LIPC: variants seen among roughly 807,000 people sequenced by gnomAD.
LIPC encodes the protein lipase C, hepatic type.
A neutral mutation model predicts 50.7 loss-of-function variants in LIPC; 44 were observed. That is an observed-to-expected ratio of 0.87 (90% CI 0.68 to 1.11). LIPC has a LOEUF of 1.11. Ranked by LOEUF, LIPC falls within the 50% of genes most tolerant of loss-of-function variation. LIPC has a pLI of 0.00. For synonymous variants in LIPC, 271 were observed against 256.4 expected (o/e 1.06, Z -0.54); for missense variants, 697 against 648.2 (o/e 1.08, Z -0.82).
intron 1 of LIPC, among the ~76,000 whole-genome samples, chr15:58,441,592 G>T (rs1893511198): frequency 1.3e-5 from 2 of 152,174 alleles, no homozygotes; most frequent in Non-Finnish European, 2.9e-5. Context: ...GTGGTTTACT[G>T]CAGCAAGGGA....
At chr15:58,442,277 G>A (rs1169516780) in intron 1 of LIPC, among the ~76,000 whole-genome samples, 1 of 152,168 alleles carries the variant, frequency 6.6e-6, no homozygotes, top group African/African-American at 2.4e-5. Flanking sequence ...AAAGAGAAAT[G>A]TGGAAGCAAA....
chr15:58,442,566 T>A (rs1245229728), intron 1 of LIPC, among the ~76,000 whole-genome samples: 1 of 152,236 alleles, frequency 6.6e-6, no homozygotes, highest in East Asian at 1.9e-4. Context: ...AACTAAGATG[T>A]ACAGAACAAC....
At chr15:58,510,349 G>T (rs139653128) in intron 1 of LIPC, among the ~76,000 whole-genome samples, 2 of 152,340 alleles carry the variant, frequency 1.3e-5, no homozygotes, top group East Asian at 3.9e-4. Context: ...TTGCCTTTTT[G>T]AGTGGCAGTG....
chr15:58,508,454 G>T (rs1219031118), intron 1 of LIPC, among the ~76,000 whole-genome samples: 1 of 152,168 alleles, frequency 6.6e-6, no homozygotes, highest in African/African-American at 2.4e-5. Flanking sequence ...TACTCGCTGT[G>T]GTCATTTTGG....
intron 8 of LIPC, chr15:58,564,039 CAG>C: frequency 2.4e-6 from 1 of 419,542 alleles, no homozygotes; most frequent in Non-Finnish European, 4.5e-6. Context: ...GGTGAATCAC[CAG>C]GTGATGTCAG....
intron 8 of LIPC, chr15:58,564,044 G>A (rs1894270172): frequency 2.4e-6 from 1 of 416,890 alleles, no homozygotes; most frequent in Non-Finnish European, 4.5e-6. Context: ...ATCACCAGGT[G>A]ATGTCAGTGC....
Position 58,471,134 on chromosome 15 carries a change from CTTTTTTTTT to C in LIPC, c.88+39026_88+39034del, listed in dbSNP as rs34225435. On this transcript the variant is annotated intron_variant, in intron 1 of 8. Coordinates refer to ENST00000299022, the MANE Select transcript of LIPC (RefSeq NM_000236.3). ...AAGTAGGATTTTTTTTTTCTTTTCTCTTTTTTTTTTTTTTTTTTTTGAGATGCGGTCTCA... is the reference window on the plus strand; with the variant it reads ...AAGTAGGATTTTTTTTTTCTTTTCTCTTTTTTTTTTTGAGATGCGGTCTCA... Among the ~76,000 whole-genome samples, 53 of 114,640 alleles carry C rather than the reference CTTTTTTTTT, an allele frequency of 4.6e-4. 1 individual carries two copies. The South Asian group carries it at 0.015, about 33-fold the overall frequency. The allele number at this position is 114,640 out of a possible 152,430, so 75.2% of individuals were successfully genotyped here.
At chr15:58,501,288 T>G (rs1891976003) in intron 1 of LIPC, among the ~76,000 whole-genome samples, 1 of 151,850 alleles carries the variant, frequency 6.6e-6, no homozygotes, top group Admixed American at 6.6e-5. Flanking sequence ...GCTCAGCCTA[T>G]GTATATTCAC....
In LIPC at chr15:58,560,967, A is replaced by T. The variant is rs747519686; in HGVS notation, c.1155A>T (p.Lys385Asn). Residue 385 changes from lysine (K) to asparagine (N), a missense_variant, in exon 7 of 9, where the codon AAA (lysine) becomes AAT (asparagine). Physicochemically the swap from Lys to Asn is moderately conservative, Grantham distance 94. Coordinates refer to ENST00000299022, the MANE Select transcript of LIPC (RefSeq NM_000236.3). ...TCGGAACAAAAGAGAAAATGCAGAAAATTCCCATCACTCTGTGAGTAGGAG... is the reference window on the plus strand; with the variant it reads ...TCGGAACAAAAGAGAAAATGCAGAATATTCCCATCACTCTGTGAGTAGGAG... ...SLLGTKEKMQ[K>N]IPITLGKGIA... 10 of 1,525,112 alleles carry T rather than the reference A, an allele frequency of 6.6e-6. No homozygotes were observed. Among genetic ancestry groups the T allele is most frequent in the Non-Finnish European group, 8.2e-6 (9 of 1,098,898 alleles). The allele number at this position is 1,525,112 out of a possible 1,614,324, so 94.5% of individuals were successfully genotyped here. A position where few individuals can be genotyped will look rare whatever the true frequency, so the allele number is the denominator to read the frequency against.
intron 1 of LIPC, among the ~76,000 whole-genome samples, chr15:58,457,940 T>A (rs138317466): frequency 6.6e-6 from 1 of 152,326 alleles, no homozygotes; most frequent in African/African-American, 2.4e-5. Flanking sequence ...GCCGTGTGGT[T>A]AGTCTTAAAT....
At chr15:58,528,520 T>A (rs898248652) in intron 1 of LIPC, among the ~76,000 whole-genome samples, 13 of 152,158 alleles carry the variant, frequency 8.5e-5, no homozygotes, top group Non-Finnish European at 1.8e-4. Flanking sequence ...GGTGCCTTTT[T>A]TTTTCTTTGA....
chr15:58,496,880 T>A (rs1283739504), intron 1 of LIPC, among the ~76,000 whole-genome samples: 1 of 152,126 alleles, frequency 6.6e-6, no homozygotes, highest in Non-Finnish European at 1.5e-5. Context: ...AGATAGGGTT[T>A]CACTATGTTG....
At chr15:58,439,069 CTGGCAG>C (rs1426946356) in intron 1 of LIPC, among the ~76,000 whole-genome samples, 1 of 152,236 alleles carries the variant, frequency 6.6e-6, no homozygotes, top group Non-Finnish European at 1.5e-5. Context: ...CTCCAGTGGA[CTGGCAG>C]TGGCCCTTAA....
At chr15:58,467,764 G>C (rs16940338) in intron 1 of LIPC, among the ~76,000 whole-genome samples, 24,192 of 152,106 alleles carry the variant, frequency 0.16, 1,932 homozygotes, top group African/African-American at 0.18. Context: ...TCACTGTTGC[G>C]CAGTGGTTTG....
At chr15:58,455,002 G>A (rs1226084130) in intron 1 of LIPC, 1 of 152,176 alleles carries the variant, frequency 6.6e-6, no homozygotes, top group Non-Finnish European at 1.5e-5. Flanking sequence ...CTGTCTGTAA[G>A]GTTATTTCCG....
intron 1 of LIPC, among the ~76,000 whole-genome samples, chr15:58,464,728 T>C: frequency 6.6e-6 from 1 of 152,206 alleles, no homozygotes; most frequent in East Asian, 1.9e-4. Context: ...ATCCCAGCAC[T>C]TTGGGAAGCC....
intron 6 of LIPC, among the ~76,000 whole-genome samples, chr15:58,557,318 T>G (rs1893985491): frequency 6.7e-6 from 1 of 149,464 alleles, no homozygotes; most frequent in African/African-American, 2.5e-5. Flanking sequence ...GCAAAGCACT[T>G]GGCAAAAACC....
intron 1 of LIPC, among the ~76,000 whole-genome samples, chr15:58,457,485 T>C (rs1894174651): frequency 6.6e-6 from 1 of 152,248 alleles, no homozygotes; most frequent in African/African-American, 2.4e-5. Context: ...CCGTTTACGA[T>C]ATGCCACTTG....
At chr15:58,433,559 A>G (rs558105685) in intron 1 of LIPC, among the ~76,000 whole-genome samples, 1 of 152,332 alleles carries the variant, frequency 6.6e-6, no homozygotes, top group East Asian at 1.9e-4. Context: ...TCACTGCTGT[A>G]GCATTCCACT....
Sources: allele counts gnomAD v4.1 joint callset (sites outside exome capture counted in the v4.1 genomes callset), GRCh38; gene constraint gnomAD v4.1.1; transcripts MANE v1.5; gene names NCBI Gene and HGNC (gene_info 2026-07-23, HGNC 2026-07-21).